Variants in TPD52 observed in about 807,000 individuals in gnomAD.
The protein encoded by TPD52 is tumor protein D52, also known as prostate and colon associated protein.
In TPD52, 17 loss-of-function variants were observed where a neutral mutation model predicts 31.3. That is an observed-to-expected ratio of 0.54 (90% CI 0.37 to 0.82). The LOEUF (loss-of-function observed/expected upper bound fraction) is 0.82, where lower values mean the gene tolerates loss of function less well. Ranked by LOEUF, TPD52 falls within the 40% of genes least tolerant of loss-of-function variation. TPD52 has a pLI of 0.00. For synonymous variants in TPD52, 83 were observed against 89.6 expected (o/e 0.93, Z 0.42); for missense variants, 212 against 240.1 (o/e 0.88, Z 0.77).
chr8:80,139,792 G>A (rs1255185371), intron 1 of TPD52, among the ~76,000 whole-genome samples: 2 of 152,052 alleles, frequency 1.3e-5, no homozygotes, highest in Non-Finnish European at 1.5e-5. Flanking sequence ...ATACAACGGC[G>A]TTTTTCAATC....
At chr8:80,138,206 G>A (rs1343759096) in intron 1 of TPD52, among the ~76,000 whole-genome samples, 2 of 152,146 alleles carry the variant, frequency 1.3e-5, no homozygotes, top group Non-Finnish European at 2.9e-5. Flanking sequence ...GCCTCCCAAA[G>A]TGCTGAGATA....
intron 1 of TPD52, among the ~76,000 whole-genome samples, chr8:80,120,203 T>A (rs1374947878): frequency 6.6e-6 from 1 of 151,842 alleles, no homozygotes; most frequent in African/African-American, 2.4e-5. Context: ...TAAAAAAAAA[T>A]AATAGGCTGG....
intron 1 of TPD52, among the ~76,000 whole-genome samples, chr8:80,152,333 C>T (rs1810631907): frequency 1.3e-5 from 2 of 152,162 alleles, no homozygotes; most frequent in South Asian, 4.1e-4. Flanking sequence ...TGGGCAGAAG[C>T]AAACTCGAAT....
At chr8:80,052,884 A>G (rs907189842) in intron 3 of TPD52, among the ~76,000 whole-genome samples, 2 of 151,942 alleles carry the variant, frequency 1.3e-5, no homozygotes, top group African/African-American at 4.8e-5. Flanking sequence ...TTGAATTCCC[A>G]CTCCACATTT....
chr8:80,123,693 GA>G (rs1452619768), intron 1 of TPD52, among the ~76,000 whole-genome samples: 1 of 152,194 alleles, frequency 6.6e-6, no homozygotes, highest in East Asian at 1.9e-4. Context: ...TATAAATCAT[GA>G]GCACAGAATT....
At chr8:80,069,459 T>A (rs943871635) in intron 1 of TPD52, among the ~76,000 whole-genome samples, 6 of 151,784 alleles carry the variant, frequency 4.0e-5, no homozygotes. Context: ...AGCAAGACCC[T>A]GTCTCAAAAC....
chr8:80,042,153 T>C, intron 7 of TPD52: 1 of 981,458 alleles, frequency 1.0e-6, no homozygotes, highest in Non-Finnish European at 1.2e-6. Context: ...TACTTACTGA[T>C]ACAGGAAAAT....
At chr8:80,132,500 G>A (rs1407792557) in intron 1 of TPD52, among the ~76,000 whole-genome samples, 1 of 152,158 alleles carries the variant, frequency 6.6e-6, no homozygotes, top group African/African-American at 2.4e-5. Flanking sequence ...GAGCCACCAT[G>A]CCAGGCCGAA....
Position 80,135,040 on chromosome 8 carries a change from G to T in TPD52, c.19+36385C>A, listed in dbSNP as rs717342. 5.7e-3 allele frequency among the ~76,000 whole-genome samples: 855 copies of T among 149,448 alleles called. 11 individuals carry two copies. The highest frequency in any genetic ancestry group is 0.02 in the African/African-American group (823 of 41,208). On this transcript the variant is annotated intron_variant, in intron 1 of 7. Transcript: ENST00000518937. ...GTTCATGAATTCCCTTCCAGGAGAC[G>T]TACGCAAGTGCAGATGCTGAACTGC...
At chr8:80,080,290 T>C in intron 1 of TPD52, 3 of 1,609,034 alleles carry the variant, frequency 1.9e-6, no homozygotes, top group Non-Finnish European at 2.6e-6. Context: ...CCAAGCAAAC[T>C]TAACTTTACA....
chr8:80,164,853 A>G (rs909972296), intron 1 of TPD52, among the ~76,000 whole-genome samples: 1 of 137,488 alleles, frequency 7.3e-6, no homozygotes, highest in Non-Finnish European at 1.5e-5. Flanking sequence ...ACTGCACTCC[A>G]GCACTCCAGC....
chr8:80,127,307 G>A (rs1322103364), intron 1 of TPD52, among the ~76,000 whole-genome samples: 1 of 152,078 alleles, frequency 6.6e-6, no homozygotes, highest in Non-Finnish European at 1.5e-5. Flanking sequence ...ATTTTTGATG[G>A]ATTATCATCC....
chr8:80,056,980 C>T (rs555528935), intron 2 of TPD52, among the ~76,000 whole-genome samples: 1 of 152,210 alleles, frequency 6.6e-6, no homozygotes, highest in Non-Finnish European at 1.5e-5. Context: ...ACCAGCCTGG[C>T]TAACATGGTG....
chr8:80,094,763 A>T lies in TPD52; in HGVS notation c.20-30170T>A, dbSNP rs571812587. On this transcript the variant is annotated intron_variant, in intron 1 of 7. Coordinates refer to ENST00000518937, the MANE Select transcript of TPD52 (RefSeq NM_001025253.3). ...ATATACACATATTCTACCATAATTTAAAAAAAAAATGATCACTTAATTATA... is the reference window on the plus strand; with the variant it reads ...ATATACACATATTCTACCATAATTTTAAAAAAAAATGATCACTTAATTATA... 1.5e-4 allele frequency among the ~76,000 whole-genome samples: 22 copies of T among 147,154 alleles called. No homozygotes were observed. The South Asian group carries it at 2.2e-3, about 15-fold the overall frequency.
intron 1 of TPD52, among the ~76,000 whole-genome samples, chr8:80,118,065 C>T (rs929550678): frequency 4.6e-5 from 7 of 152,048 alleles, no homozygotes; most frequent in Admixed American, 3.3e-4. Flanking sequence ...AACTTCACTA[C>T]AACACTACAG....
intron 1 of TPD52, among the ~76,000 whole-genome samples, chr8:80,143,293 G>T (rs1433259226): frequency 6.6e-6 from 1 of 152,116 alleles, no homozygotes; most frequent in Non-Finnish European, 1.5e-5. Flanking sequence ...GAATGAGAAG[G>T]TCTAAACCCT....
intron 1 of TPD52, among the ~76,000 whole-genome samples, chr8:80,135,365 C>A (rs1241098787): frequency 6.6e-6 from 1 of 152,172 alleles, no homozygotes; most frequent in Non-Finnish European, 1.5e-5. Flanking sequence ...CCCCAGCCAA[C>A]CTCAACAAAG....
chr8:80,160,815 G>A (rs569201089), intron 1 of TPD52, among the ~76,000 whole-genome samples: 2 of 151,320 alleles, frequency 1.3e-5, no homozygotes, highest in Non-Finnish European at 2.9e-5. Context: ...AGGCCAAGGA[G>A]GGTGGATTGC....
chr8:80,044,811 A>C (rs1810689419), intron 5 of TPD52, among the ~76,000 whole-genome samples: 1 of 152,168 alleles, frequency 6.6e-6, no homozygotes, highest in Admixed American at 6.5e-5. Flanking sequence ...TACTATGCTT[A>C]TAATAGTTTG....
Sources: gnomAD v4.1 joint callset for allele counts (sites outside exome capture counted in the v4.1 genomes callset) on GRCh38, gnomAD v4.1.1 for gene constraint, MANE v1.5 for transcripts, NCBI Gene and HGNC (gene_info 2026-07-23, HGNC 2026-07-21) for gene names.